DIAPH2: variants seen among roughly 807,000 people sequenced by gnomAD.
DIAPH2 encodes diaphanous related formin 2.
In DIAPH2, 35 loss-of-function variants were observed where a neutral mutation model predicts 92.7. The observed-to-expected ratio is 0.38, with a 90% CI of 0.29 to 0.50. The LOEUF (loss-of-function observed/expected upper bound fraction) is 0.50, where lower values mean the gene tolerates loss of function less well. Ranked by LOEUF, DIAPH2 falls within the 20% of genes least tolerant of loss-of-function variation. The pLI is 0.94. For missense variants in DIAPH2, 701 were observed against 819.5 expected (o/e 0.86, Z 1.77); for synonymous variants, 301 against 280.4 (o/e 1.07, Z -0.73).
intron 23 of DIAPH2, among the ~76,000 whole-genome samples, chrX:97,323,358 G>A (rs1407497839): frequency 1.9e-5 from 2 of 103,538 alleles, no homozygotes; most frequent in South Asian, 4.6e-4. Context: ...TTGGGAGGCC[G>A]AGGCGGGCGG....
chrX:97,489,691 ATT>A (rs2070712422), intron 26 of DIAPH2, among the ~76,000 whole-genome samples: 2 of 111,361 alleles, frequency 1.8e-5, no homozygotes, highest in Admixed American at 1.9e-4. Flanking sequence ...TATTGGGATG[ATT>A]GTGTGATTTT....
At chrX:97,184,695 T>C (rs1041927555) in intron 22 of DIAPH2, among the ~76,000 whole-genome samples, 1 of 111,800 alleles carries the variant, frequency 8.9e-6, no homozygotes, top group Admixed American at 9.5e-5. Flanking sequence ...ATCTTAGTAA[T>C]GTTAAGGCAG....
chrX:97,361,065 T>C (rs2069321004), intron 24 of DIAPH2, among the ~76,000 whole-genome samples: 1 of 105,980 alleles, frequency 9.4e-6, no homozygotes, highest in Non-Finnish European at 1.9e-5. Context: ...TTTTTTTTTT[T>C]TTCTTTTTTA....
At chrX:97,598,343 G>A (rs1020007098) in intron 26 of DIAPH2, among the ~76,000 whole-genome samples, 1 of 112,173 alleles carries the variant, frequency 8.9e-6, no homozygotes, top group Non-Finnish European at 1.9e-5. Flanking sequence ...CGGAGATGTT[G>A]TGTGAATTAG....
chrX:96,755,681 G>T (rs1161161076), intron 3 of DIAPH2, among the ~76,000 whole-genome samples: 2 of 105,323 alleles, frequency 1.9e-5, no homozygotes, highest in Non-Finnish European at 3.9e-5. Context: ...AAATAACATT[G>T]ATACTGTTCT....
chrX:97,496,643 C>A (rs895420593), intron 26 of DIAPH2, among the ~76,000 whole-genome samples: 9 of 104,571 alleles, frequency 8.6e-5, no homozygotes, highest in Non-Finnish European at 1.8e-4. Flanking sequence ...TTCTCTGTAG[C>A]CCTGAATTAG....
At chrX:96,703,919 C>A (rs1308701072) in intron 1 of DIAPH2, among the ~76,000 whole-genome samples, 1 of 110,099 alleles carries the variant, frequency 9.1e-6, no homozygotes, top group Non-Finnish European at 1.9e-5. Flanking sequence ...AAGAGACTCC[C>A]TCCCTCCTTT....
intron 17 of DIAPH2, among the ~76,000 whole-genome samples, chrX:97,069,062 A>G (rs2066652042): frequency 9.0e-6 from 1 of 111,110 alleles, no homozygotes; most frequent in African/African-American, 3.3e-5. Context: ...TCCCGGGTTC[A>G]AGTGATTCTC....
chrX:97,002,145 A>G (rs1027557256), intron 17 of DIAPH2, among the ~76,000 whole-genome samples: 4 of 111,209 alleles, frequency 3.6e-5, no homozygotes, highest in African/African-American at 1.3e-4. Context: ...CCGTGTATCT[A>G]TAGTCTCTTA....
chrX:96,763,188 TG>T (rs2064279592), intron 4 of DIAPH2: 1 of 791,953 alleles, frequency 1.3e-6, no homozygotes. Context: ...GATTTTTGCT[TG>T]TAGTATTTTA....
chrX:97,541,555 C>G (rs1388821091), intron 26 of DIAPH2, among the ~76,000 whole-genome samples: 1 of 111,992 alleles, frequency 8.9e-6, no homozygotes, highest in Non-Finnish European at 1.9e-5. Context: ...TATAACAATC[C>G]AAAATATGTC....
chrX:96,837,249 A>C (rs1469636877), intron 4 of DIAPH2, among the ~76,000 whole-genome samples: 1 of 111,212 alleles, frequency 9.0e-6, no homozygotes, highest in Non-Finnish European at 1.9e-5. Flanking sequence ...TATAAGTCAT[A>C]TTAGGTAATG....
chrX:97,242,239 C>T (rs1447586774), intron 22 of DIAPH2, among the ~76,000 whole-genome samples: 1 of 111,630 alleles, frequency 9.0e-6, no homozygotes, highest in Non-Finnish European at 1.9e-5. Context: ...CCTCCAAACC[C>T]AGGCTACTCA....
intron 26 of DIAPH2, among the ~76,000 whole-genome samples, chrX:97,508,729 AG>A (rs2070855288): frequency 8.9e-6 from 1 of 112,113 alleles, no homozygotes; most frequent in Non-Finnish European, 1.9e-5. Flanking sequence ...TATCCATCAA[AG>A]TTTCTAATTT....
intron 23 of DIAPH2, among the ~76,000 whole-genome samples, chrX:97,323,480 A>C (rs2068919982): frequency 9.7e-6 from 1 of 103,248 alleles, no homozygotes; most frequent in South Asian, 4.7e-4. Flanking sequence ...AGTCCCAGCT[A>C]CTCTGGAGGC....
At chrX:97,458,550 C>T (rs1602603545) in intron 26 of DIAPH2, among the ~76,000 whole-genome samples, 1 of 111,008 alleles carries the variant, frequency 9.0e-6, no homozygotes, top group African/African-American at 3.3e-5. Context: ...TAAACCAAGC[C>T]ACTCTAAAGC....
intron 19 of DIAPH2, among the ~76,000 whole-genome samples, chrX:97,081,155 T>C (rs2066741050): frequency 8.9e-6 from 1 of 112,375 alleles, no homozygotes; most frequent in South Asian, 3.7e-4. Flanking sequence ...TTCTTATTTC[T>C]CATCATGGTG....
At chrX:96,776,425 G>T (rs2064378033) in intron 4 of DIAPH2, among the ~76,000 whole-genome samples, 3 of 109,922 alleles carry the variant, frequency 2.7e-5, no homozygotes, top group African/African-American at 9.9e-5. Context: ...CGGCCAGGCT[G>T]GTCTCGAACT....
chrX:96,920,217 T>A (rs143710085), intron 9 of DIAPH2, among the ~76,000 whole-genome samples: 1 of 111,250 alleles, frequency 9.0e-6, no homozygotes, highest in Non-Finnish European at 1.9e-5. Flanking sequence ...ACATTGTTTC[T>A]TATAAAATTT....
Sources: allele counts gnomAD v4.1 joint callset (sites outside exome capture counted in the v4.1 genomes callset), GRCh38; gene constraint gnomAD v4.1.1; transcripts MANE v1.5; gene names NCBI Gene and HGNC (gene_info 2026-07-23, HGNC 2026-07-21).